Variants in ANO6 observed in about 807,000 individuals in gnomAD.
The protein encoded by ANO6 is anoctamin 6.
ANO6 carries 106 observed loss-of-function variants against 117.5 expected under a neutral mutation model. The observed-to-expected ratio is 0.90, with a 90% CI of 0.77 to 1.06. ANO6 has a LOEUF of 1.06. ANO6 is among the 50% of genes least tolerant of loss of function. The pLI, the probability that ANO6 is intolerant of heterozygous loss-of-function variation, is 0.00. For synonymous variants in ANO6, 367 were observed against 385.1 expected, an observed-to-expected ratio of 0.95 and a Z score of 0.55; for missense variants, 955 against 1,121.1, an observed-to-expected ratio of 0.85 and a Z score of 2.12.
intron 10 of ANO6, chr12:45,383,504 A>T (rs1242270503): frequency 1.3e-5 from 2 of 152,230 alleles, no homozygotes; most frequent in African/African-American, 4.8e-5. Flanking sequence ...AATAATTACT[A>T]TCTATGGCAG....
rs1218638312 is a variant in ANO6, at chr12:45,308,048, ATTTTTTTTTTT to A, written c.150+5969_150+5979del. ...GTGTGTGTCTGTGTGTGTGTGTGTA[ATTTTTTTTTTT>A]TTTTTTTTTTTTTGCCAAGCAAGAA... On this transcript the variant is annotated intron_variant, in intron 2 of 19. Transcript: ENST00000320560. 1.7e-4 allele frequency among the ~76,000 whole-genome samples: 12 copies of A among 69,306 alleles called. No individual in the cohort carries two copies. In the East Asian group the frequency reaches 4.6e-3, roughly 27 times the overall value. 45.5% of individuals were successfully genotyped at this position (69,306 alleles called of 152,430 possible).
chr12:45,400,042 G>A (rs1180410378), intron 12 of ANO6, among the ~76,000 whole-genome samples: 1 of 152,196 alleles, frequency 6.6e-6, no homozygotes, highest in Non-Finnish European at 1.5e-5. Flanking sequence ...GGGAGGCAGT[G>A]CCATGGAGAG....
chr12:45,253,312 C>G (rs1937691869), intron 1 of ANO6, among the ~76,000 whole-genome samples: 1 of 152,216 alleles, frequency 6.6e-6, no homozygotes, highest in African/African-American at 2.4e-5. Flanking sequence ...TTTCTCATCT[C>G]TCTCCAAGCC....
chr12:45,330,882 G>C (rs572815485), intron 2 of ANO6, among the ~76,000 whole-genome samples: 1 of 152,052 alleles, frequency 6.6e-6, no homozygotes, highest in East Asian at 1.9e-4. Flanking sequence ...TAAGACATAA[G>C]AAGGATGAGA....
intron 15 of ANO6, among the ~76,000 whole-genome samples, chr12:45,406,299 C>T (rs1195964368): frequency 6.6e-6 from 1 of 152,250 alleles, no homozygotes; most frequent in African/African-American, 2.4e-5. Context: ...ACCCGGAGAG[C>T]AAGCTCAGAG....
At chr12:45,342,940 C>T (rs1555171181) in intron 3 of ANO6, among the ~76,000 whole-genome samples, 2 of 152,106 alleles carry the variant, frequency 1.3e-5, no homozygotes, top group Non-Finnish European at 2.9e-5. Context: ...AAAGGATAGA[C>T]TTCTGACACC....
chr12:45,402,874 G>C (rs1347256936), intron 13 of ANO6, among the ~76,000 whole-genome samples, 198 bp from the exon 14 acceptor site: 1 of 152,090 alleles, frequency 6.6e-6, no homozygotes, highest in Non-Finnish European at 1.5e-5. Context: ...CTACTGTGAG[G>C]GAGAACTCAT....
At chr12:45,246,554 G>A (rs1947828196) in intron 1 of ANO6, among the ~76,000 whole-genome samples, 1 of 151,918 alleles carries the variant, frequency 6.6e-6, no homozygotes, top group Admixed American at 6.6e-5. Flanking sequence ...GATGTAGAGA[G>A]AATTCTGTCA....
In ANO6 at chr12:45,371,266, C is replaced by A. The variant is rs1342758876; in HGVS notation, c.1104+3473C>A. ...AGCAGTCTGAGATCAAACTGCAAGGCGGCAGCGAGGCTAGGGGAGGGGCGC... is the reference window on the plus strand; with the variant it reads ...AGCAGTCTGAGATCAAACTGCAAGGAGGCAGCGAGGCTAGGGGAGGGGCGC... On this transcript the variant is annotated intron_variant, in intron 9 of 19. Coordinates refer to ENST00000320560, the MANE Select transcript of ANO6 (RefSeq NM_001025356.3). Among the ~76,000 whole-genome samples the A allele has an allele frequency of 2.0e-5, 3 of 152,026 alleles. No homozygotes were observed. The South Asian group carries it at 6.2e-4, about 32-fold the overall frequency.
At chr12:45,274,503 T>G (rs1229157245) in intron 1 of ANO6, among the ~76,000 whole-genome samples, 1 of 152,002 alleles carries the variant, frequency 6.6e-6, no homozygotes, top group Non-Finnish European at 1.5e-5. Context: ...CACACCTAAA[T>G]CGGAGCCCAG....
intron 9 of ANO6, among the ~76,000 whole-genome samples, chr12:45,375,323 A>G (rs1160814032): frequency 6.6e-6 from 1 of 152,188 alleles, no homozygotes; most frequent in African/African-American, 2.4e-5. Flanking sequence ...CAAGCTACCA[A>G]TGCCTTTCTT....
At chr12:45,311,014 T>G (rs758471962) in intron 2 of ANO6, among the ~76,000 whole-genome samples, 2 of 151,784 alleles carry the variant, frequency 1.3e-5, no homozygotes, top group Non-Finnish European at 2.9e-5. Flanking sequence ...AATACATTAC[T>G]TTTTTTTCAA....
intron 17 of ANO6, among the ~76,000 whole-genome samples, chr12:45,420,538 G>C (rs796879302): frequency 6.6e-6 from 1 of 152,110 alleles, no homozygotes; most frequent in African/African-American, 2.4e-5. Context: ...CAAGGAGTTC[G>C]AGGTTACAGT....
downstream of ANO6, among the ~76,000 whole-genome samples, chr12:45,433,822 G>A (rs752939312): frequency 3.3e-4 from 50 of 152,204 alleles, no homozygotes; most frequent in Non-Finnish European, 1.0e-4. Context: ...GAGCATTCAA[G>A]CATAAATGAA....
intron 1 of ANO6, among the ~76,000 whole-genome samples, chr12:45,263,274 C>T (rs998252690): frequency 2.6e-5 from 4 of 151,262 alleles, no homozygotes; most frequent in South Asian, 4.2e-4. Context: ...TACAGTGGTG[C>T]GATCACTGCA....
intron 1 of ANO6, among the ~76,000 whole-genome samples, chr12:45,238,141 T>A (rs1380787260): frequency 1.4e-4 from 20 of 145,814 alleles, no homozygotes; most frequent in Non-Finnish European, 1.9e-4. Flanking sequence ...GGGGTTTTCT[T>A]TTTCTTTTTC....
At chr12:45,359,911 C>CAAT (rs1941510684) in intron 8 of ANO6, among the ~76,000 whole-genome samples, 3 of 152,146 alleles carry the variant, frequency 2.0e-5, no homozygotes, top group Non-Finnish European at 4.4e-5. Flanking sequence ...TGTATGAGGA[C>CAAT]AATAATATCT....
intron 1 of ANO6, 115 bp from the exon 2 acceptor site, chr12:45,301,899 A>G: frequency 1.2e-6 from 1 of 846,798 alleles, no homozygotes; most frequent in Non-Finnish European, 2.0e-6. Flanking sequence ...AATAATATAA[A>G]CCTGTCAATG....
At chr12:45,288,186 A>G (rs1938979454) in intron 1 of ANO6, among the ~76,000 whole-genome samples, 1 of 152,184 alleles carries the variant, frequency 6.6e-6, no homozygotes, top group African/African-American at 2.4e-5. Flanking sequence ...TACAACAGCT[A>G]AAGGATTATT....
Sources: gnomAD v4.1 joint callset for allele counts (sites outside exome capture counted in the v4.1 genomes callset) on GRCh38, gnomAD v4.1.1 for gene constraint, MANE v1.5 for transcripts, NCBI Gene and HGNC (gene_info 2026-07-23, HGNC 2026-07-21) for gene names.